The following NKAIN3 variants were observed in gnomAD, a reference collection of about 807,000 sequenced individuals.
NKAIN3 encodes the protein sodium/potassium-transporting ATPase subunit beta-1-interacting protein 3.
Under a neutral mutation model 30.2 loss-of-function variants are expected in NKAIN3, and 25 were observed. The ratio of observed to expected loss-of-function variants is 0.83; its 90% confidence interval spans 0.60 to 1.16. The LOEUF is 1.16. Among genes scored for constraint, NKAIN3 ranks in the 50% most tolerant of loss-of-function variants. The pLI is 0.00. For synonymous variants in NKAIN3, 91 were observed against 89.6 expected, an observed-to-expected ratio of 1.02 and a Z score of -0.09; for missense variants, 225 against 254.1, an observed-to-expected ratio of 0.89 and a Z score of 0.78.
At chr8:62,444,698 TA>T (rs1805428238) in intron 1 of NKAIN3, among the ~76,000 whole-genome samples, 2 of 152,164 alleles carry the variant, frequency 1.3e-5, no homozygotes, top group African/African-American at 4.8e-5. Flanking sequence ...TCAATATATT[TA>T]TTTCCTTTCT....
intron 4 of NKAIN3, among the ~76,000 whole-genome samples, chr8:62,852,859 G>C (rs1467052001): frequency 6.6e-6 from 1 of 152,154 alleles, no homozygotes; most frequent in Non-Finnish European, 1.5e-5. Context: ...TTGCTGACGA[G>C]TGCTTAACTT....
At chr8:62,801,798 G>T (rs1470088095) in intron 4 of NKAIN3, among the ~76,000 whole-genome samples, 1 of 152,154 alleles carries the variant, frequency 6.6e-6, no homozygotes, top group African/African-American at 2.4e-5. Context: ...AGAGAAGAAG[G>T]CTTCAGACAA....
At chr8:62,310,647 C>T (rs1369932519) in intron 1 of NKAIN3, among the ~76,000 whole-genome samples, 1 of 150,152 alleles carries the variant, frequency 6.7e-6, no homozygotes, top group Non-Finnish European at 1.5e-5. Flanking sequence ...GTGGGTGGTG[C>T]CCCATTGTTT....
chr8:62,779,867 A>G (rs1267286741), intron 4 of NKAIN3, among the ~76,000 whole-genome samples: 4 of 152,134 alleles, frequency 2.6e-5, no homozygotes, highest in African/African-American at 9.6e-5. Context: ...GAAAAAATTC[A>G]AACGACCAAA....
intron 3 of NKAIN3, among the ~76,000 whole-genome samples, chr8:62,620,340 T>C (rs553939330): frequency 5.3e-5 from 8 of 152,260 alleles, no homozygotes; most frequent in African/African-American, 1.7e-4. Flanking sequence ...TATGACCTAC[T>C]TAAAGTGATG....
At chr8:62,428,547 C>A (rs763327357) in intron 1 of NKAIN3, among the ~76,000 whole-genome samples, 16 of 151,810 alleles carry the variant, frequency 1.1e-4, no homozygotes, top group East Asian at 1.9e-4. Flanking sequence ...CATTCTAACT[C>A]GGGTGAGATA....
chr8:62,797,958 A>C (rs1817918659), intron 4 of NKAIN3, among the ~76,000 whole-genome samples: 2 of 152,208 alleles, frequency 1.3e-5, no homozygotes, highest in Admixed American at 6.5e-5. Flanking sequence ...CTAGACATGG[A>C]ACAGATTCTT....
chr8:62,651,706 G>A (rs903139493), intron 3 of NKAIN3, among the ~76,000 whole-genome samples: 1 of 152,078 alleles, frequency 6.6e-6, no homozygotes, highest in African/African-American at 2.4e-5. Context: ...TTGGAGGTGG[G>A]GGTCTGGTGG....
At chr8:62,348,960 A>G (rs1253120721) in intron 1 of NKAIN3, among the ~76,000 whole-genome samples, 4 of 152,108 alleles carry the variant, frequency 2.6e-5, no homozygotes, top group Non-Finnish European at 5.9e-5. Flanking sequence ...TCAGATTTTC[A>G]CTTTAGGTTA....
At chr8:62,623,194 C>G (rs1811673815) in intron 3 of NKAIN3, among the ~76,000 whole-genome samples, 1 of 152,048 alleles carries the variant, frequency 6.6e-6, no homozygotes, top group Non-Finnish European at 1.5e-5. Context: ...AAAGGTCTAG[C>G]TTAGTATGTA....
intron 3 of NKAIN3, among the ~76,000 whole-genome samples, chr8:62,712,533 A>G (rs1193426305): frequency 6.6e-6 from 1 of 152,134 alleles, no homozygotes; most frequent in African/African-American, 2.4e-5. Flanking sequence ...GCCAGCAATC[A>G]CAGGCCTCAC....
intron 1 of NKAIN3, among the ~76,000 whole-genome samples, chr8:62,408,248 C>A (rs1242050743): frequency 6.6e-6 from 1 of 152,064 alleles, no homozygotes; most frequent in Non-Finnish European, 1.5e-5. Context: ...ATCATAATCT[C>A]CTAAGAATCT....
intron 5 of NKAIN3, among the ~76,000 whole-genome samples, chr8:62,938,754 A>C (rs1027205291): frequency 3.3e-5 from 5 of 152,198 alleles, no homozygotes; most frequent in Admixed American, 3.3e-4. Flanking sequence ...TGAACAGCAG[A>C]CCTTGAGCCC....
chr8:62,931,315 C>A (rs1822613715), intron 5 of NKAIN3, among the ~76,000 whole-genome samples: 1 of 152,144 alleles, frequency 6.6e-6, no homozygotes, highest in Non-Finnish European at 1.5e-5. Flanking sequence ...AAATCAATCA[C>A]TCAATTAAAA....
intron 1 of NKAIN3, among the ~76,000 whole-genome samples, chr8:62,486,391 C>T (rs961699137): frequency 1.3e-5 from 2 of 151,438 alleles, no homozygotes; most frequent in Non-Finnish European, 2.9e-5. Flanking sequence ...CTCAGACTCA[C>T]AGGATTTCTT....
rs993576858 is a variant in NKAIN3 at position 62,979,737 on chromosome 8, C to A, written c.*14330C>A. 26 of 152,252 alleles carry A rather than the reference C, an allele frequency of 1.7e-4. No homozygotes were observed. The highest frequency in any genetic ancestry group is 6.3e-4 in the African/African-American group (26 of 41,464). 9.4% of individuals were successfully genotyped at this position (152,252 alleles called of 1,614,324 possible). Reference sequence around the variant, plus strand: ...CTGCTATGCAAGCTCTCAGTCTAGTCTTCTTTCCTCTGCACTTGGTGGCCA... The same window carrying A: ...CTGCTATGCAAGCTCTCAGTCTAGTATTCTTTCCTCTGCACTTGGTGGCCA... On this transcript the variant is annotated 3_prime_UTR_variant, in exon 7 of 7. Transcript: ENST00000623646.
chr8:62,667,115 A>G (rs1166186975), intron 3 of NKAIN3, among the ~76,000 whole-genome samples: 3 of 131,030 alleles, frequency 2.3e-5, no homozygotes, highest in Non-Finnish European at 4.7e-5. Flanking sequence ...ACTTGGACAC[A>G]GGAAGGGGAA....
At position 62,729,035 on chromosome 8, in the gene NKAIN3, A is replaced by AAAAAACAAAAAAAAC. The variant is rs1344781585; in HGVS notation, c.274-17893_274-17892insACAAAAAAAACAAAA. Among the ~76,000 whole-genome samples, 28 of 110,240 alleles carry AAAAAACAAAAAAAAC rather than the reference A, an allele frequency of 2.5e-4. 2 individuals are homozygous for AAAAAACAAAAAAAAC. Among genetic ancestry groups the AAAAAACAAAAAAAAC allele is most frequent in the African/African-American group, 1.1e-3 (26 of 23,758 alleles). The allele number at this position is 110,240 out of a possible 152,430, so 72.3% of individuals were successfully genotyped here. ...CAAAACAAACAAACCAAAAAAAAAA[A>AAAAAACAAAAAAAAC]AAAACAAAAAAAAAAAACCTCCTGC... On this transcript the variant is annotated intron_variant, in intron 3 of 6. Coordinates refer to ENST00000623646, the MANE Select transcript of NKAIN3 (RefSeq NM_001304533.3).
intron 3 of NKAIN3, among the ~76,000 whole-genome samples, chr8:62,624,138 G>A (rs964496119): frequency 6.6e-6 from 1 of 152,046 alleles, no homozygotes; most frequent in Non-Finnish European, 1.5e-5. Context: ...GATGAACAGA[G>A]GTTACTTTCA....
Sources: gnomAD v4.1 joint callset for allele counts (sites outside exome capture counted in the v4.1 genomes callset) on GRCh38, gnomAD v4.1.1 for gene constraint, MANE v1.5 for transcripts, NCBI Gene and HGNC (gene_info 2026-07-23, HGNC 2026-07-21) for gene names.